Variants in GPC5 observed in about 807,000 individuals in gnomAD.
GPC5 encodes the protein glypican 5.
GPC5 carries 47 observed loss-of-function variants against 53.9 expected under a neutral mutation model. The observed-to-expected ratio is 0.87, with a 90% CI of 0.69 to 1.11. The LOEUF (loss-of-function observed/expected upper bound fraction) is 1.11. Ranked by LOEUF, GPC5 falls within the 50% of genes most tolerant of loss-of-function variation. GPC5 has a pLI of 0.00. For synonymous variants in GPC5, 286 were observed against 263.3 expected, an observed-to-expected ratio of 1.09 and a Z score of -0.84; for missense variants, 748 against 713.1, an observed-to-expected ratio of 1.05 and a Z score of -0.56.
chr13:92,110,282 A>G (rs944856465), intron 6 of GPC5, among the ~76,000 whole-genome samples: 5 of 152,192 alleles, frequency 3.3e-5, no homozygotes, highest in Non-Finnish European at 5.9e-5. Flanking sequence ...ACTCATTTTC[A>G]TCTTAAGCAG....
intron 6 of GPC5, among the ~76,000 whole-genome samples, chr13:92,093,032 T>C (rs1295250684): frequency 6.6e-6 from 1 of 152,156 alleles, no homozygotes; most frequent in Non-Finnish European, 1.5e-5. Flanking sequence ...TACACAGTTG[T>C]GAAACAGGTA....
chr13:92,505,042 C>A (rs1284747995), intron 7 of GPC5, among the ~76,000 whole-genome samples: 1 of 151,444 alleles, frequency 6.6e-6, no homozygotes, highest in Non-Finnish European at 1.5e-5. Context: ...TTTGAACTTA[C>A]TGTTAAGAAA....
chr13:92,267,209 C>A (rs1343257636), intron 7 of GPC5, among the ~76,000 whole-genome samples: 2 of 152,106 alleles, frequency 1.3e-5, no homozygotes, highest in Non-Finnish European at 2.9e-5. Context: ...TCCATACATC[C>A]TGGCTATTAT....
intron 7 of GPC5, chr13:92,340,523 C>T (rs944049833): frequency 2.0e-5 from 3 of 152,084 alleles, no homozygotes; most frequent in African/African-American, 7.2e-5. Context: ...CTGCTCCTGG[C>T]TTTGAACCTA....
At chr13:92,739,736 A>G (rs1305353627) in intron 7 of GPC5, among the ~76,000 whole-genome samples, 1 of 151,730 alleles carries the variant, frequency 6.6e-6, no homozygotes, top group African/African-American at 2.4e-5. Context: ...AAAGAGAGAG[A>G]GAGAGAGACA....
intron 1 of GPC5, among the ~76,000 whole-genome samples, chr13:91,405,252 G>A (rs142394712): frequency 9.5e-4 from 145 of 152,196 alleles, no homozygotes; most frequent in African/African-American, 3.4e-3. Context: ...CTTTGTTGTG[G>A]GGTGCTGTCC....
intron 7 of GPC5, among the ~76,000 whole-genome samples, chr13:92,806,976 A>G (rs938134098): frequency 8.5e-5 from 13 of 152,194 alleles, no homozygotes; most frequent in African/African-American, 1.9e-4. Context: ...TAAAAACACA[A>G]TATCTGTGAA....
At chr13:91,637,167 T>C (rs1412607239) in intron 2 of GPC5, among the ~76,000 whole-genome samples, 1 of 152,174 alleles carries the variant, frequency 6.6e-6, no homozygotes, top group Non-Finnish European at 1.5e-5. Flanking sequence ...GTTACAAGGT[T>C]TTCATAGGAA....
At chr13:91,768,014 T>C (rs1419105439) in intron 5 of GPC5, among the ~76,000 whole-genome samples, 1 of 152,216 alleles carries the variant, frequency 6.6e-6, no homozygotes, top group African/African-American at 2.4e-5. Flanking sequence ...TGAAAAGCTA[T>C]TCCCTTTTCA....
rs1212557873 is a variant in GPC5, at chr13:91,530,391, A to G, written c.325+81469A>G. 2.6e-5 allele frequency among the ~76,000 whole-genome samples: 4 copies of G among 152,324 alleles called. No homozygotes were observed. In the East Asian group the frequency reaches 5.8e-4, roughly 22 times the overall value. ...TACACCATGACCAGCAGATGCTATA[A>G]TAAATCAAGTTTCCTCCCTCAGCCA... On this transcript the variant is annotated intron_variant, in intron 2 of 7. Transcript: ENST00000377067.
At chr13:91,868,320 T>A (rs955412840) in intron 5 of GPC5, among the ~76,000 whole-genome samples, 3 of 152,120 alleles carry the variant, frequency 2.0e-5, no homozygotes, top group Non-Finnish European at 4.4e-5. Context: ...TTGGACAACA[T>A]AAAGATTATT....
chr13:91,751,968 A>G (rs1273924170), intron 4 of GPC5, among the ~76,000 whole-genome samples: 1 of 152,210 alleles, frequency 6.6e-6, no homozygotes, highest in African/African-American at 2.4e-5. Context: ...TAAACAACAC[A>G]AATGAATTTC....
chr13:92,131,769 G>A (rs540729804), intron 6 of GPC5, among the ~76,000 whole-genome samples: 3 of 151,758 alleles, frequency 2.0e-5, no homozygotes, highest in Non-Finnish European at 4.4e-5. Context: ...GTTTTTCCAT[G>A]TATATGAACC....
chr13:92,356,628 A>G lies in GPC5; in HGVS notation c.1561+211639A>G, dbSNP rs548533873. 1.8e-4 allele frequency among the ~76,000 whole-genome samples: 27 copies of G among 152,290 alleles called. No homozygotes were observed. The East Asian group carries it at 3.9e-3, about 22-fold the overall frequency. Reference sequence around the variant, plus strand: ...GAAAGAGAAGGTCTCAGATGACTCTATGGTATTCAGCCCAAGAAATTAGAA... The same window carrying G: ...GAAAGAGAAGGTCTCAGATGACTCTGTGGTATTCAGCCCAAGAAATTAGAA... On this transcript the variant is annotated intron_variant, in intron 7 of 7. Coordinates refer to ENST00000377067, the MANE Select transcript of GPC5 (RefSeq NM_004466.6).
intron 7 of GPC5, among the ~76,000 whole-genome samples, chr13:92,407,932 A>C (rs538577506): frequency 6.6e-6 from 1 of 152,344 alleles, no homozygotes; most frequent in African/African-American, 2.4e-5. Context: ...TTGGTCTATA[A>C]AGAGAAAGCC....
rs530869827 is a variant in GPC5 at position 91,538,832 on chromosome 13, C to A, written c.325+89910C>A. 4.7e-5 allele frequency among the ~76,000 whole-genome samples: 6 copies of A among 128,946 alleles called. No homozygotes were observed. In the South Asian group the frequency reaches 1.3e-3, roughly 29 times the overall value. The allele number at this position is 128,946 out of a possible 152,430, so 84.6% of individuals were successfully genotyped here. A position where few individuals can be genotyped will look rare whatever the true frequency, so the allele number is the denominator to read the frequency against. On this transcript the variant is annotated intron_variant, in intron 2 of 7. Transcript: ENST00000377067. ...CTCCTGACCTCATGGTCCACCCCGCCCCCCCCTCAGCCTCCCAAAGTGCTG... is the reference window on the plus strand; with the variant it reads ...CTCCTGACCTCATGGTCCACCCCGCACCCCCCTCAGCCTCCCAAAGTGCTG...
At chr13:91,797,965 C>G (rs2989992) in intron 5 of GPC5, among the ~76,000 whole-genome samples, 1 of 151,672 alleles carries the variant, frequency 6.6e-6, no homozygotes, top group African/African-American at 2.4e-5. Context: ...CATTGTTGGG[C>G]GCAGAGTAAA....
chr13:92,153,100 C>G (rs1194459858), intron 7 of GPC5, among the ~76,000 whole-genome samples: 4 of 152,136 alleles, frequency 2.6e-5, no homozygotes, highest in African/African-American at 9.7e-5. Flanking sequence ...CTTATCCATG[C>G]TGATGGATAT....
intron 5 of GPC5, among the ~76,000 whole-genome samples, chr13:91,881,679 C>T (rs2039265291): frequency 6.6e-6 from 1 of 152,126 alleles, no homozygotes; most frequent in Admixed American, 6.6e-5. Flanking sequence ...TTGTCTCGTT[C>T]ACTGCCATAC....
Sources: gnomAD v4.1 joint callset for allele counts (sites outside exome capture counted in the v4.1 genomes callset) on GRCh38, gnomAD v4.1.1 for gene constraint, MANE v1.5 for transcripts, NCBI Gene and HGNC (gene_info 2026-07-23, HGNC 2026-07-21) for gene names.